The following DNAH5 variants were observed in gnomAD, a reference collection of about 807,000 sequenced individuals.
The protein encoded by DNAH5 is dynein axonemal heavy chain 5.
A neutral mutation model predicts 518.2 loss-of-function variants in DNAH5; 372 were observed. The observed-to-expected ratio is 0.72, with a 90% confidence interval of 0.66 to 0.78. The LOEUF (loss-of-function observed/expected upper bound fraction) is 0.78. Ranked by LOEUF, DNAH5 falls within the 30% of genes least tolerant of loss-of-function variation. The pLI is 0.00. For synonymous variants in DNAH5, 2,039 were observed against 2,025.9 expected (o/e 1.01, Z -0.17); for missense variants, 5,523 against 5,687.0 (o/e 0.97, Z 0.93).
At chr5:13,798,740 T>TTTATTTA (rs1230060009) in intron 47 of DNAH5, among the ~76,000 whole-genome samples, 3 of 87,226 alleles carry the variant, frequency 3.4e-5, no homozygotes, top group East Asian at 3.5e-4. Flanking sequence ...ATTTTATTTA[T>TTTATTTA]TTTATTTATT....
chr5:13,819,756 G>A (rs1761969061), intron 41 of DNAH5, among the ~76,000 whole-genome samples: 1 of 152,088 alleles, frequency 6.6e-6, no homozygotes, highest in African/African-American at 2.4e-5. Flanking sequence ...TAAGGCTTAG[G>A]GACATCTGGA....
intron 60 of DNAH5, among the ~76,000 whole-genome samples, chr5:13,761,490 G>T (rs1441937844): frequency 6.6e-6 from 1 of 151,900 alleles, no homozygotes; most frequent in Non-Finnish European, 1.5e-5. Flanking sequence ...CTACTCGGGA[G>T]GCTGAGGCAG....
intron 59 of DNAH5, among the ~76,000 whole-genome samples, chr5:13,764,406 A>T (rs531018189): frequency 2.4e-4 from 37 of 152,346 alleles, no homozygotes; most frequent in Non-Finnish European, 4.3e-4. Context: ...TCTACAAAGT[A>T]ATAAAAAAAA....
At chr5:13,851,490 T>C (rs950376743) in intron 30 of DNAH5, among the ~76,000 whole-genome samples, 1 of 151,970 alleles carries the variant, frequency 6.6e-6, no homozygotes, top group Non-Finnish European at 1.5e-5. Context: ...TTTTATTTTT[T>C]GTAGAAACTG....
At chr5:13,872,683 G>A (rs2151922456) in intron 22 of DNAH5, among the ~76,000 whole-genome samples, 1 of 152,272 alleles carries the variant, frequency 6.6e-6, no homozygotes. Context: ...GGACAGTGCT[G>A]ACATAATGCA....
chr5:13,914,751 C>G, intron 9 of DNAH5, 109 bp from the exon 10 acceptor site: 1 of 1,141,942 alleles, frequency 8.8e-7, no homozygotes, highest in Non-Finnish European at 1.3e-6. Flanking sequence ...AATCTTCTAA[C>G]TTGAGCTTGG....
In DNAH5 at chr5:13,814,596, C is replaced by G. The variant is rs774222731; in HGVS notation, c.7230+9G>C. 3 of 1,613,262 alleles carry G rather than the reference C, an allele frequency of 1.9e-6. No individual in the cohort carries two copies. Among genetic ancestry groups the G allele is most frequent in the Non-Finnish European group, 8.5e-7 (1 of 1,179,486 alleles). On this transcript the variant is annotated intron_variant, in intron 43 of 78. Transcript: ENST00000265104. ...TTTTTAATTATACAAAAGAAGGATT[C>G]AATTATACCTCAAGAATAGGACTCC...
At chr5:13,899,909 C>G in intron 15 of DNAH5, 1 of 371,628 alleles carries the variant, frequency 2.7e-6, no homozygotes, top group Non-Finnish European at 4.9e-6. Context: ...ATTTTCCACC[C>G]AGCAGTAAGA....
chr5:13,811,601 G>T, intron 44 of DNAH5, 46 bp downstream of exon 44: 2 of 1,562,378 alleles, frequency 1.3e-6, no homozygotes, highest in South Asian at 1.1e-5. Flanking sequence ...GTGCAGCATG[G>T]CTAAGTTGAT....
intron 47 of DNAH5, among the ~76,000 whole-genome samples, chr5:13,802,466 C>T (rs1466665593): frequency 6.6e-6 from 1 of 152,192 alleles, no homozygotes; most frequent in African/African-American, 2.4e-5. Context: ...AAGGAATGAT[C>T]AACTCTTTCA....
At chr5:13,768,908 A>T (rs1752894992) in intron 58 of DNAH5, 52 bp downstream of exon 58, 2 of 1,588,326 alleles carry the variant, frequency 1.3e-6, no homozygotes, top group East Asian at 4.5e-5. Context: ...TTTTAGCATT[A>T]GTCTGCCTCT....
At chr5:13,768,782 A>T (rs1486422563) in intron 58 of DNAH5, among the ~76,000 whole-genome samples, 178 bp downstream of exon 58, 1 of 152,236 alleles carries the variant, frequency 6.6e-6, no homozygotes, top group Non-Finnish European at 1.5e-5. Context: ...TAAGCAGAAC[A>T]GGCAAAACCT....
intron 47 of DNAH5, among the ~76,000 whole-genome samples, chr5:13,796,614 G>A (rs1757863536): frequency 6.6e-6 from 1 of 152,142 alleles, no homozygotes; most frequent in Non-Finnish European, 1.5e-5. Context: ...GCATGAAAAT[G>A]GCCATACTGC....
chr5:13,797,777 CACAATAGCAAAG>C (rs1424931085), intron 47 of DNAH5, among the ~76,000 whole-genome samples: 1 of 152,096 alleles, frequency 6.6e-6, no homozygotes, highest in Non-Finnish European at 1.5e-5. Context: ...CAGCACTATT[CACAATAGCAAAG>C]ACTTGGAACC....
chr5:13,833,887 T>A lies in DNAH5; in HGVS notation c.5883-3112A>T, dbSNP rs189584219. 2.0e-3 allele frequency among the ~76,000 whole-genome samples: 301 copies of A among 152,350 alleles called. 3 individuals are homozygous for A. The highest frequency in any genetic ancestry group is 7.0e-3 in the African/African-American group (291 of 41,570). On this transcript the variant is annotated intron_variant, in intron 35 of 78. Transcript: ENST00000265104. ...AATAGCTATTTTATCATCTGAAATG[T>A]CTGCAACTCTGTCCACATGGCATTG...
At position 13,707,862 on chromosome 5, in the gene DNAH5, C is replaced by G. The variant is rs1468288122; in HGVS notation, c.13338+261G>C. ...CCTGTCCCAAACTTAAGTTTCTCAT[C>G]TGTAAAATAAGAGCAGTAAAATACA... is the stretch of plus-strand genomic sequence containing the variant. On this transcript the variant is annotated intron_variant, in intron 76 of 78. Coordinates refer to ENST00000265104, the MANE Select transcript of DNAH5 (RefSeq NM_001369.3). The surrounding 1 kb of genome is among the most constrained non-coding windows in gnomAD (Gnocchi z 4.0). Among the ~76,000 whole-genome samples, 1 of 152,014 alleles carries G rather than the reference C, an allele frequency of 6.6e-6. No individual in the cohort carries two copies. The highest frequency in any genetic ancestry group is 1.5e-5 in the Non-Finnish European group (1 of 68,010).
chr5:13,898,445 CTGA>C (rs1774178442), intron 15 of DNAH5: 3 of 397,856 alleles, frequency 7.5e-6, no homozygotes, highest in Non-Finnish European at 1.3e-5. Context: ...TCTCAACATG[CTGA>C]CTGGTATTTT....
intron 1 of DNAH5, among the ~76,000 whole-genome samples, chr5:14,009,145 A>G (rs1202192048): frequency 6.6e-6 from 1 of 152,256 alleles, no homozygotes; most frequent in Non-Finnish European, 1.5e-5. Flanking sequence ...GTTTGTTAAA[A>G]GAAAGGCCAT....
At chr5:13,860,663 GC>G (rs1580630819) in intron 29 of DNAH5, 1 of 152,166 alleles carries the variant, frequency 6.6e-6, no homozygotes, top group East Asian at 1.9e-4. Context: ...ATGTGGTAAA[GC>G]CCCCATTCCA....
Sources: allele counts gnomAD v4.1 joint callset (sites outside exome capture counted in the v4.1 genomes callset), GRCh38; gene constraint gnomAD v4.1.1; non-coding constraint Gnocchi (gnomAD v3.1); transcripts MANE v1.5; gene names NCBI Gene and HGNC (gene_info 2026-07-23, HGNC 2026-07-21).